LIPC: variants seen among roughly 807,000 people sequenced by gnomAD.
LIPC encodes hepatic triacylglycerol lipase.
Under a neutral mutation model 50.7 loss-of-function variants are expected in LIPC, and 44 were observed. That is an observed-to-expected ratio of 0.87 (90% confidence interval 0.68 to 1.11). The LOEUF (loss-of-function observed/expected upper bound fraction) is 1.11. Among genes scored for constraint, LIPC ranks in the 50% most tolerant of loss-of-function variants. The pLI is 0.00. For missense variants in LIPC, 697 were observed against 648.2 expected, an observed-to-expected ratio of 1.08 and a Z score of -0.82; for synonymous variants, 271 against 256.4, an observed-to-expected ratio of 1.06 and a Z score of -0.54.
intron 1 of LIPC, among the ~76,000 whole-genome samples, chr15:58,524,937 CTAATT>C (rs1339725688): frequency 1.3e-5 from 2 of 151,916 alleles, no homozygotes; most frequent in Non-Finnish European, 2.9e-5. Flanking sequence ...TTAATGTAGT[CTAATT>C]TAACAATCTT....
chr15:58,451,048 T>C (rs1359730916), intron 1 of LIPC, among the ~76,000 whole-genome samples: 3 of 152,128 alleles, frequency 2.0e-5, no homozygotes, highest in Middle Eastern at 3.2e-3. Flanking sequence ...GGAAGAATCA[T>C]GGTTTACTGA....
At chr15:58,467,864 T>G (rs1226109828) in intron 1 of LIPC, among the ~76,000 whole-genome samples, 1 of 152,068 alleles carries the variant, frequency 6.6e-6, no homozygotes, top group Non-Finnish European at 1.5e-5. Flanking sequence ...GTTCACAGGG[T>G]TTTCCCACTG....
intron 1 of LIPC, among the ~76,000 whole-genome samples, chr15:58,511,400 A>G (rs1892326727): frequency 7.1e-6 from 1 of 141,430 alleles, no homozygotes; most frequent in South Asian, 2.1e-4. Context: ...CATTGCATTT[A>G]CCATTGCATT....
chr15:58,519,876 C>A (rs1225908889), intron 1 of LIPC, among the ~76,000 whole-genome samples: 1 of 152,008 alleles, frequency 6.6e-6, no homozygotes, highest in Non-Finnish European at 1.5e-5. Context: ...TTCTCTTTAC[C>A]TTTCCCCCGC....
At chr15:58,457,476 C>T (rs9920144) in intron 1 of LIPC, among the ~76,000 whole-genome samples, 52,860 of 152,090 alleles carry the variant, frequency 0.35, 9,394 homozygotes, top group Admixed American at 0.44. Flanking sequence ...CAAGGCACCC[C>T]GTTTACGATA....
chr15:58,432,418 A>C, intron 1 of LIPC: 1 of 413,742 alleles, frequency 2.4e-6, no homozygotes, highest in Non-Finnish European at 4.5e-6. Context: ...GCGGCAAATG[A>C]TATGAAAGCG....
chr15:58,463,020 A>G (rs528336358), intron 1 of LIPC, among the ~76,000 whole-genome samples: 1 of 152,378 alleles, frequency 6.6e-6, no homozygotes, highest in Admixed American at 6.5e-5. Context: ...AAAGACTCCA[A>G]GAAGTCGATT....
rs556568065 is a variant in LIPC at position 58,459,651 on chromosome 15, C to A, written c.88+27531C>A. Among the ~76,000 whole-genome samples the A allele has an allele frequency of 9.4e-4, 143 of 152,314 alleles. 7 individuals are homozygous for A. The South Asian group carries it at 0.029, about 31-fold the overall frequency. ...TTTATGGAAAAGCAAACACTCCCCCCACATAGGGTGTGGCCCACACTGGGA... is the reference window on the plus strand; with the variant it reads ...TTTATGGAAAAGCAAACACTCCCCCAACATAGGGTGTGGCCCACACTGGGA... On this transcript the variant is annotated intron_variant, in intron 1 of 8. Coordinates refer to ENST00000299022, the MANE Select transcript of LIPC (RefSeq NM_000236.3).
intron 1 of LIPC, among the ~76,000 whole-genome samples, chr15:58,509,342 T>C (rs4774301): frequency 0.73 from 111,486 of 152,076 alleles, 40,983 homozygotes; most frequent in Middle Eastern, 0.82. Flanking sequence ...GTTTTCTGAG[T>C]CAGCATAGAA....
chr15:58,554,584 C>T (rs1893868663), intron 6 of LIPC, among the ~76,000 whole-genome samples: 3 of 147,238 alleles, frequency 2.0e-5, no homozygotes, highest in African/African-American at 7.6e-5. Flanking sequence ...AAAACACTTA[C>T]AAAAATCCAA....
chr15:58,526,879 A>T (rs1224619927), intron 1 of LIPC, among the ~76,000 whole-genome samples: 1 of 152,182 alleles, frequency 6.6e-6, no homozygotes, highest in Non-Finnish European at 1.5e-5. Context: ...TGAGGCTCCT[A>T]CTGGTTAAGC....
intron 1 of LIPC, among the ~76,000 whole-genome samples, chr15:58,477,680 G>C (rs1891045891): frequency 6.6e-6 from 1 of 152,136 alleles, no homozygotes. Flanking sequence ...CAGTGTCTTA[G>C]AGATGGATGA....
Position 58,542,662 on chromosome 15 carries a change from C to A in LIPC, c.574+11C>A. 6.4e-7 allele frequency: 1 copy of A among 1,562,644 alleles called. No individual in the cohort carries two copies. The highest frequency in any genetic ancestry group is 8.8e-7 in the Non-Finnish European group (1 of 1,133,450). ...TTGGGAGAATCACAGGTAACCATGC[C>A]TAATAACTCACACACTGATCTCCAC... is the stretch of plus-strand genomic sequence containing the variant. On this transcript the variant is annotated intron_variant, in intron 4 of 8. Transcript: ENST00000299022.
At chr15:58,516,950 G>A (rs1171046778) in intron 1 of LIPC, among the ~76,000 whole-genome samples, 1 of 152,162 alleles carries the variant, frequency 6.6e-6, no homozygotes, top group Non-Finnish European at 1.5e-5. Context: ...TATTTTAAAT[G>A]TTCTTCAGCT....
At chr15:58,439,986 T>C (rs1350468307) in intron 1 of LIPC, among the ~76,000 whole-genome samples, 2 of 152,222 alleles carry the variant, frequency 1.3e-5, no homozygotes, top group African/African-American at 4.8e-5. Context: ...ACTTCACTTC[T>C]AACTTTCTAG....
At chr15:58,458,198 A>G (rs1894206511) in intron 1 of LIPC, among the ~76,000 whole-genome samples, 1 of 151,892 alleles carries the variant, frequency 6.6e-6, no homozygotes, top group Non-Finnish European at 1.5e-5. Flanking sequence ...AAGTCCATAT[A>G]TTCTGTACTG....
At chr15:58,512,372 G>T (rs1019480363) in intron 1 of LIPC, among the ~76,000 whole-genome samples, 1 of 152,188 alleles carries the variant, frequency 6.6e-6, no homozygotes, top group African/African-American at 2.4e-5. Context: ...GTGTTGTTGG[G>T]ATTACAGGCA....
At chr15:58,494,960 C>T (rs1891716509) in intron 1 of LIPC, 2 of 441,670 alleles carry the variant, frequency 4.5e-6, no homozygotes, top group Admixed American at 2.4e-5. Context: ...AAACACCCAG[C>T]CCTCATGTCA....
intron 6 of LIPC, among the ~76,000 whole-genome samples, chr15:58,556,963 G>T (rs1893974483): frequency 6.6e-6 from 1 of 152,200 alleles, no homozygotes. Flanking sequence ...CTAAATAGTA[G>T]TTATCATAAT....
Sources: gnomAD v4.1 joint callset for allele counts (sites outside exome capture counted in the v4.1 genomes callset) on GRCh38, gnomAD v4.1.1 for gene constraint, MANE v1.5 for transcripts, NCBI Gene and HGNC (gene_info 2026-07-23, HGNC 2026-07-21) for gene names.